The following TBC1D1 variants were observed in gnomAD, a reference collection of about 807,000 sequenced individuals.
The protein encoded by TBC1D1 is TBC1 domain family member 1.
In TBC1D1, 89 loss-of-function variants were observed where a neutral mutation model predicts 125.6. That is an observed-to-expected ratio of 0.71 (90% CI 0.60 to 0.85). The LOEUF is 0.85. TBC1D1 is among the 40% of genes least tolerant of loss of function. The probability of loss-of-function intolerance (pLI) is 0.00; values close to 1 mark genes in which losing one functional copy is unlikely to be tolerated. For missense variants in TBC1D1, 1,377 were observed against 1,469.2 expected (o/e 0.94, Z 1.03); for synonymous variants, 565 against 564.1 (o/e 1.00, Z -0.02).
rs529524962 is a variant in TBC1D1 at position 38,015,049 on chromosome 4, A to G, written c.882+76A>G. 3.6e-5 allele frequency: 45 copies of G among 1,234,182 alleles called. No individual in the cohort carries two copies. The East Asian group carries it at 1.1e-3, about 29-fold the overall frequency. The allele number at this position is 1,234,182 out of a possible 1,614,324, so 76.5% of individuals were successfully genotyped here. On this transcript the variant is annotated intron_variant, in intron 3 of 19. Coordinates refer to ENST00000261439, the MANE Select transcript of TBC1D1 (RefSeq NM_015173.4). ...AGAGAAAATCTGCTTTATGGAGCGA[A>G]GATTCTTAGTCAATTGCTTTTGATT...
chr4:38,063,178 G>C (rs1318134753), intron 12 of TBC1D1, among the ~76,000 whole-genome samples: 1 of 152,214 alleles, frequency 6.6e-6, no homozygotes, highest in Non-Finnish European at 1.5e-5. Flanking sequence ...CAGGTGGATA[G>C]AATTTGTGGA....
At chr4:38,102,091 C>T (rs1453359306) in intron 14 of TBC1D1, among the ~76,000 whole-genome samples, 4 of 103,008 alleles carry the variant, frequency 3.9e-5, no homozygotes, top group Admixed American at 3.0e-4. Context: ...TGGGGCCTAT[C>T]GTGGGGTGGG....
In TBC1D1 at chr4:37,977,749, C is replaced by T. The variant is rs1350523978; in HGVS notation, c.418-36760C>T. Among the ~76,000 whole-genome samples, 5 of 152,244 alleles carry T rather than the reference C, an allele frequency of 3.3e-5. No homozygotes were observed. The highest frequency in any genetic ancestry group is 4.1e-4 in the South Asian group (2 of 4,830). On this transcript the variant is annotated intron_variant, in intron 2 of 19. Coordinates refer to ENST00000261439, the MANE Select transcript of TBC1D1 (RefSeq NM_015173.4). The surrounding 1 kb of genome is among the most constrained non-coding windows in gnomAD (Gnocchi z 4.3). ...GGGCGAGGTAGCGGCGCCCATTTCACAGTTGGGGAGACTGAGGCTGTACTC... is the reference window on the plus strand; with the variant it reads ...GGGCGAGGTAGCGGCGCCCATTTCATAGTTGGGGAGACTGAGGCTGTACTC...
rs143013479 is a variant in TBC1D1 at position 38,138,276 on chromosome 4, G to C, written c.*941G>C. ...GCTAGCATGTGAGCTGCAGTTGTGG[G>C]GTCTGAGATATTTCTTTGTGGTAGT... On this transcript the variant is annotated 3_prime_UTR_variant, in exon 20 of 20. Transcript: ENST00000261439. The C allele has an allele frequency of 6.6e-6, 1 of 152,076 alleles. No homozygotes were observed. The highest frequency in any genetic ancestry group is 6.6e-5 in the Admixed American group (1 of 15,264). The allele number at this position is 152,076 out of a possible 1,614,324, so 9.4% of individuals were successfully genotyped here.
intron 2 of TBC1D1, among the ~76,000 whole-genome samples, chr4:37,989,254 T>A (rs954236142): frequency 6.6e-6 from 1 of 152,204 alleles, no homozygotes; most frequent in Non-Finnish European, 1.5e-5. Flanking sequence ...TGACCTTGTC[T>A]TAACCTACAC....
intron 19 of TBC1D1, among the ~76,000 whole-genome samples, chr4:38,134,076 G>T (rs1766059478): frequency 6.6e-6 from 1 of 152,196 alleles, no homozygotes; most frequent in South Asian, 2.1e-4. Context: ...TTTTGAGGGT[G>T]TTTTTAAAAG....
intron 12 of TBC1D1, among the ~76,000 whole-genome samples, chr4:38,086,127 ATAT>A (rs1002456587): frequency 6.6e-6 from 1 of 151,852 alleles, no homozygotes; most frequent in African/African-American, 2.4e-5. Flanking sequence ...TGAACAAAAA[ATAT>A]TATACAAATT....
intron 18 of TBC1D1, among the ~76,000 whole-genome samples, chr4:38,128,249 G>A (rs574486208): frequency 1.4e-4 from 22 of 152,152 alleles, no homozygotes; most frequent in Admixed American, 1.0e-3. Context: ...AGATCTACCC[G>A]CATCTCTCCC....
At chr4:37,892,108 T>G (rs573700584) in intron 1 of TBC1D1, among the ~76,000 whole-genome samples, 12 of 152,322 alleles carry the variant, frequency 7.9e-5, no homozygotes, top group African/African-American at 2.9e-4. Flanking sequence ...GGATATGTTT[T>G]CCCTTCATAG....
intron 7 of TBC1D1, among the ~76,000 whole-genome samples, chr4:38,035,311 AT>A (rs755594153): frequency 2.0e-5 from 3 of 152,152 alleles, no homozygotes; most frequent in Non-Finnish European, 4.4e-5. Context: ...TTTAAAAACT[AT>A]TTATTTGTTA....
intron 2 of TBC1D1, among the ~76,000 whole-genome samples, chr4:37,983,234 G>GC (rs1734737549): frequency 6.7e-6 from 1 of 149,706 alleles, no homozygotes; most frequent in Admixed American, 6.7e-5. Flanking sequence ...TCCTGCCTCA[G>GC]CTCCCGAGTA....
rs762725678 is a variant in TBC1D1, at chr4:38,125,150, C to T, written c.3132+19C>T. 3 of 1,611,156 alleles carry T rather than the reference C, an allele frequency of 1.9e-6. No homozygotes were observed. Among genetic ancestry groups the T allele is most frequent in the Non-Finnish European group, 2.5e-6 (3 of 1,178,128 alleles). ...CAATCAGGTATGAGTCAGTCCAAAC[C>T]TTGCAAATGCTTAAGCCATCCTAGA... On this transcript the variant is annotated intron_variant, in intron 18 of 19. Coordinates refer to ENST00000261439, the MANE Select transcript of TBC1D1 (RefSeq NM_015173.4).
chr4:38,109,851 A>T (rs540951486), intron 15 of TBC1D1, among the ~76,000 whole-genome samples: 103 of 152,328 alleles, frequency 6.8e-4, no homozygotes, highest in African/African-American at 2.4e-3. Context: ...CTCATTTCAG[A>T]TTCTGCTCAG....
At chr4:37,903,576 T>C (rs1299194282) in intron 2 of TBC1D1, among the ~76,000 whole-genome samples, 2 of 152,236 alleles carry the variant, frequency 1.3e-5, no homozygotes, top group Non-Finnish European at 2.9e-5. Context: ...AAAATCTGGA[T>C]AGAAATGCTA....
At chr4:37,960,104 G>T (rs1729683836) in intron 2 of TBC1D1, among the ~76,000 whole-genome samples, 1 of 152,154 alleles carries the variant, frequency 6.6e-6, no homozygotes, top group Non-Finnish European at 1.5e-5. Flanking sequence ...TGGTTGCTCT[G>T]CCCTTTACCT....
intron 2 of TBC1D1, among the ~76,000 whole-genome samples, chr4:37,911,054 A>G (rs934019622): frequency 6.6e-5 from 10 of 151,214 alleles, no homozygotes; most frequent in Non-Finnish European, 1.2e-4. Context: ...GCCATGGACT[A>G]GACTAGCTTC....
At chr4:37,912,294 A>T (rs1004701702) in intron 2 of TBC1D1, among the ~76,000 whole-genome samples, 1 of 152,212 alleles carries the variant, frequency 6.6e-6, no homozygotes, top group African/African-American at 2.4e-5. Flanking sequence ...TTAAAGGACT[A>T]CTGGCAGTTT....
At chr4:37,915,563 C>G (rs1242202693) in intron 2 of TBC1D1, among the ~76,000 whole-genome samples, 2 of 152,162 alleles carry the variant, frequency 1.3e-5, no homozygotes, top group Non-Finnish European at 2.9e-5. Flanking sequence ...GAAATATATA[C>G]TTTAACATTG....
At chr4:37,906,211 G>A (rs898895994) in intron 2 of TBC1D1, among the ~76,000 whole-genome samples, 2 of 151,966 alleles carry the variant, frequency 1.3e-5, no homozygotes, top group African/African-American at 2.4e-5. Flanking sequence ...GCAGTGGCCC[G>A]ATTTCGGCTC....
Sources: allele counts gnomAD v4.1 joint callset (sites outside exome capture counted in the v4.1 genomes callset), GRCh38; gene constraint gnomAD v4.1.1; non-coding constraint Gnocchi (gnomAD v3.1); transcripts MANE v1.5; gene names NCBI Gene and HGNC (gene_info 2026-07-23, HGNC 2026-07-21).